Variants in IPO11 observed in about 807,000 individuals in gnomAD.
IPO11 encodes importin-11.
Under a neutral mutation model 143.2 loss-of-function variants are expected in IPO11, and 66 were observed. The observed-to-expected ratio is 0.46, with a 90% CI of 0.38 to 0.57. IPO11 has a LOEUF of 0.57. Among genes scored for constraint, IPO11 ranks in the 20% least tolerant of loss-of-function variants. The probability of loss-of-function intolerance (pLI) is 0.00; values close to 1 mark genes in which losing one functional copy is unlikely to be tolerated. For synonymous variants in IPO11, 385 were observed against 377.8 expected (o/e 1.02, Z -0.22); for missense variants, 1,026 against 1,141.0 (o/e 0.90, Z 1.45).
intron 29 of IPO11, among the ~76,000 whole-genome samples, chr5:62,622,178 G>A (rs138722628): frequency 8.9e-4 from 136 of 152,220 alleles, no homozygotes; most frequent in African/African-American, 3.2e-3. Context: ...CTTGGCCCAC[G>A]TTTTTCTGTA....
At chr5:62,553,945 C>T (rs1743480850) in intron 26 of IPO11, among the ~76,000 whole-genome samples, 1 of 151,858 alleles carries the variant, frequency 6.6e-6, no homozygotes, top group African/African-American at 2.4e-5. Flanking sequence ...TGGCCAGACT[C>T]ATCTCGAACT....
intron 27 of IPO11, chr5:62,581,273 C>A: frequency 2.0e-6 from 3 of 1,533,478 alleles, no homozygotes; most frequent in Non-Finnish European, 2.6e-6. Context: ...GAAAATGAGG[C>A]ACAGGTCATT....
At chr5:62,589,401 C>A (rs1198903236) in intron 27 of IPO11, among the ~76,000 whole-genome samples, 1 of 152,096 alleles carries the variant, frequency 6.6e-6, no homozygotes, top group East Asian at 1.9e-4. Flanking sequence ...TCTTTGTATC[C>A]CCTATTGGAT....
chr5:62,487,509 GC>G (rs1461626303), intron 12 of IPO11, among the ~76,000 whole-genome samples: 1 of 152,012 alleles, frequency 6.6e-6, no homozygotes, highest in Non-Finnish European at 1.5e-5. Flanking sequence ...CACTTTGCTT[GC>G]CATAGTTTTA....
intron 27 of IPO11, among the ~76,000 whole-genome samples, chr5:62,571,746 C>T (rs1018681815): frequency 2.0e-5 from 3 of 149,826 alleles, no homozygotes; most frequent in African/African-American, 7.4e-5. Flanking sequence ...AGTACAGTGG[C>T]ACAATCTCAG....
At chr5:62,509,967 C>G (rs1741688980) in intron 19 of IPO11, among the ~76,000 whole-genome samples, 1 of 152,162 alleles carries the variant, frequency 6.6e-6, no homozygotes, top group African/African-American at 2.4e-5. Flanking sequence ...TTTTTGGAAG[C>G]TCAATGCTAC....
chr5:62,485,904 A>G (rs1266284841), intron 12 of IPO11, among the ~76,000 whole-genome samples: 2 of 151,114 alleles, frequency 1.3e-5, no homozygotes, highest in Non-Finnish European at 2.9e-5. Flanking sequence ...GACAGATAAG[A>G]AACTGTTTAT....
chr5:62,507,909 A>G (rs1307645311), intron 19 of IPO11, among the ~76,000 whole-genome samples: 5 of 152,260 alleles, frequency 3.3e-5, no homozygotes, highest in African/African-American at 7.2e-5. Context: ...GAAAGTAACA[A>G]TAAGGTATAG....
chr5:62,540,733 A>G (rs187988221), intron 24 of IPO11, among the ~76,000 whole-genome samples: 1 of 152,156 alleles, frequency 6.6e-6, no homozygotes, highest in African/African-American at 2.4e-5. Context: ...TACTTCCTAG[A>G]GTTGATGTGA....
At chr5:62,488,990 A>G (rs1580238789) in intron 13 of IPO11, among the ~76,000 whole-genome samples, 1 of 152,220 alleles carries the variant, frequency 6.6e-6, no homozygotes. Context: ...CCTGGGTGAC[A>G]AAGCAAGACC....
chr5:62,498,393 G>A, intron 16 of IPO11, among the ~76,000 whole-genome samples: 1 of 152,076 alleles, frequency 6.6e-6, no homozygotes, highest in East Asian at 1.9e-4. Context: ...TAGATAGAGT[G>A]CTTATGACAA....
In IPO11 at chr5:62,562,955, A is replaced by C. The variant is rs1580328084; in HGVS notation, c.2582+1698A>C. Among the ~76,000 whole-genome samples, 4 of 152,256 alleles carry C rather than the reference A, an allele frequency of 2.6e-5. No individual in the cohort carries two copies. The South Asian group carries it at 8.3e-4, about 31-fold the overall frequency. Reference sequence around the variant, plus strand: ...TCTCACAGAGCAAACAATTACTTAAAAATGTTAAGTAACATATCTAAGATA... The same window carrying C: ...TCTCACAGAGCAAACAATTACTTAACAATGTTAAGTAACATATCTAAGATA... On this transcript the variant is annotated intron_variant, in intron 27 of 29. Coordinates refer to ENST00000325324, the MANE Select transcript of IPO11 (RefSeq NM_016338.5).
intron 27 of IPO11, among the ~76,000 whole-genome samples, chr5:62,573,020 A>G (rs751732059): frequency 1.3e-5 from 2 of 151,962 alleles, no homozygotes; most frequent in Non-Finnish European, 2.9e-5. Context: ...ATATATGGAA[A>G]TGTGGTAGTA....
At chr5:62,560,927 G>T in intron 26 of IPO11, 1 of 383,760 alleles carries the variant, frequency 2.6e-6, no homozygotes. Context: ...AGTCTGCTTA[G>T]CTGTCAGGAT....
intron 28 of IPO11, among the ~76,000 whole-genome samples, chr5:62,598,268 CTG>C (rs1745299901): frequency 6.6e-6 from 1 of 151,986 alleles, no homozygotes; most frequent in Non-Finnish European, 1.5e-5. Context: ...AAGAGGATAA[CTG>C]TACAGATTCA....
At chr5:62,545,872 G>A (rs1393710135) in intron 24 of IPO11, among the ~76,000 whole-genome samples, 4 of 152,192 alleles carry the variant, frequency 2.6e-5, no homozygotes, top group Non-Finnish European at 4.4e-5. Context: ...GGCCATCAGA[G>A]AAATGCAAAT....
intron 27 of IPO11, among the ~76,000 whole-genome samples, chr5:62,571,194 C>A (rs1434594388): frequency 6.6e-6 from 1 of 152,022 alleles, no homozygotes; most frequent in Non-Finnish European, 1.5e-5. Flanking sequence ...TTTGGAGATT[C>A]TTTTCCTTGA....
intron 20 of IPO11, among the ~76,000 whole-genome samples, chr5:62,524,754 A>G (rs550520489): frequency 5.9e-5 from 9 of 152,330 alleles, no homozygotes; most frequent in Middle Eastern, 6.8e-3. Context: ...GGAGAATTGC[A>G]GATAAAATCC....
At chr5:62,426,261 C>T (rs1339554970) in intron 1 of IPO11, among the ~76,000 whole-genome samples, 1 of 152,120 alleles carries the variant, frequency 6.6e-6, no homozygotes, top group African/African-American at 2.4e-5. Context: ...GTGGCGGGTA[C>T]CTGTAATCCC....
Sources: allele counts gnomAD v4.1 joint callset (sites outside exome capture counted in the v4.1 genomes callset), GRCh38; gene constraint gnomAD v4.1.1; transcripts MANE v1.5; gene names NCBI Gene and HGNC (gene_info 2026-07-23, HGNC 2026-07-21).